DAB1: variants seen among roughly 807,000 people sequenced by gnomAD.
The protein encoded by DAB1 is disabled homolog 1.
A neutral mutation model predicts 64.6 loss-of-function variants in DAB1; 15 were observed. The observed-to-expected ratio is 0.23, with a 90% CI of 0.16 to 0.36. The LOEUF is 0.36. Ranked by LOEUF, DAB1 falls within the 10% of genes least tolerant of loss-of-function variation. The pLI is 1.00. For missense variants in DAB1, 596 were observed against 706.7 expected (o/e 0.84, Z 1.78); for synonymous variants, 235 against 251.9 (o/e 0.93, Z 0.64).
chr1:58,225,818 G>A (rs1251914870), intron 4 of DAB1, among the ~76,000 whole-genome samples: 1 of 112,216 alleles, frequency 8.9e-6, no homozygotes, highest in African/African-American at 3.3e-5. Context: ...TGTGGGGTGG[G>A]GGGAGGGGGG....
chr1:57,174,359 C>T (rs1004179199), intron 2 of DAB1, among the ~76,000 whole-genome samples: 1 of 152,140 alleles, frequency 6.6e-6, no homozygotes, highest in Non-Finnish European at 1.5e-5. Flanking sequence ...AATTTAAATG[C>T]ATTTTCAGAA....
chr1:58,469,607 T>C (rs1645334656), intron 3 of DAB1, among the ~76,000 whole-genome samples: 1 of 152,230 alleles, frequency 6.6e-6, no homozygotes, highest in Non-Finnish European at 1.5e-5. Flanking sequence ...CATCACTCTT[T>C]CTAAAGCAGC....
chr1:57,241,196 T>C lies in DAB1; in HGVS notation c.67+49768A>G, dbSNP rs148867714. Among the ~76,000 whole-genome samples the C allele has an allele frequency of 1.7e-3, 259 of 152,330 alleles. 1 individual carries two copies. The highest frequency in any genetic ancestry group is 5.4e-3 in the African/African-American group (223 of 41,566). On this transcript the variant is annotated intron_variant, in intron 2 of 14. Coordinates refer to ENST00000371236, the MANE Select transcript of DAB1 (RefSeq NM_001365792.1). The stretch of plus-strand genomic sequence containing the variant: ...TATGTATTAAATTATTGAACTTAGC[T>C]TTTTTCTCTTGTCACCCATCAGTCA...
intron 2 of DAB1, among the ~76,000 whole-genome samples, chr1:57,167,105 G>C (rs776088728): frequency 3.2e-4 from 49 of 152,268 alleles, no homozygotes; most frequent in Non-Finnish European, 6.3e-4. Flanking sequence ...GGAAATTGAG[G>C]CTGGGAATAT....
At chr1:58,522,950 CA>C in intron 2 of DAB1, among the ~76,000 whole-genome samples, 1 of 152,224 alleles carries the variant, frequency 6.6e-6, no homozygotes, top group East Asian at 1.9e-4. Context: ...GAACGGGAGA[CA>C]GGAAAGGCAG....
At position 57,015,097 on chromosome 1, in the gene DAB1, C is replaced by T. The variant is rs766791551; in HGVS notation, c.1230G>A (p.Met410Ile). The change falls in exon 12 of 15, where the codon ATG becomes ATA. Residue 410 changes from methionine to isoleucine, a missense_variant. Around this residue, in one of 3 missense-constraint regions of DAB1, gnomAD observed 377 missense variants for 400.4 expected, o/e 0.94. Transcript: ENST00000371236. ...SPQTDKPRQKMGKETFKDFQM... is the reference protein window; with the variant it reads ...SPQTDKPRQKIGKETFKDFQM... ...GGAAATCCTTAAACGTTTCTTTGCC[C>T]ATTTTCTGCCTGGGCTTGTCGGTCT... 5 of 1,614,164 alleles carry T rather than the reference C, an allele frequency of 3.1e-6. No individual in the cohort carries two copies. The highest frequency in any genetic ancestry group is 4.2e-6 in the Non-Finnish European group (5 of 1,180,038).
intron 5 of DAB1, among the ~76,000 whole-genome samples, chr1:58,098,846 C>A (rs906239419): frequency 2.6e-5 from 4 of 152,136 alleles, no homozygotes; most frequent in African/African-American, 9.7e-5. Flanking sequence ...AGACTTCTAG[C>A]CCTCAAAACT....
intron 6 of DAB1, among the ~76,000 whole-genome samples, chr1:57,805,018 T>G (rs1030495612): frequency 6.6e-6 from 1 of 152,192 alleles, no homozygotes; most frequent in Non-Finnish European, 1.5e-5. Context: ...CATTAAAAGG[T>G]AAACTGTCAA....
intron 5 of DAB1, among the ~76,000 whole-genome samples, chr1:57,919,196 G>C (rs1373242741): frequency 6.6e-6 from 1 of 152,194 alleles, no homozygotes; most frequent in Non-Finnish European, 1.5e-5. Flanking sequence ...GGAGGGTTGG[G>C]AGGGTTAAGG....
intron 4 of DAB1, among the ~76,000 whole-genome samples, chr1:58,211,067 G>C (rs2100291989): frequency 6.6e-6 from 1 of 152,250 alleles, no homozygotes; most frequent in Middle Eastern, 3.4e-3. Context: ...ACCTGGAACA[G>C]AGAGATCAAG....
At chr1:57,822,101 C>T (rs1652147935), downstream of DAB1, among the ~76,000 whole-genome samples, 1 of 152,154 alleles carries the variant, frequency 6.6e-6, no homozygotes, top group Admixed American at 6.5e-5. Flanking sequence ...CGTATCTGAC[C>T]ATTTTTGTAG....
In DAB1 at chr1:58,085,958, C is replaced by CTCTTTT. The variant is rs1289919186; in HGVS notation, n.387+64552_387+64553insAAAAGA. On this transcript the variant is annotated intron_variant and non_coding_transcript_variant, in intron 5 of 20. Coordinates refer to the DAB1 transcript ENST00000485760. ...GGATGCTGTGGGCTGATCTCTCTCT[C>CTCTTTT]TTTTTTTTTTTTTTTTTTTTTTTGA... is the stretch of plus-strand genomic sequence containing the variant. Among the ~76,000 whole-genome samples, 39 of 98,706 alleles carry CTCTTTT rather than the reference C, an allele frequency of 4.0e-4. No homozygotes were observed. In the East Asian group the frequency reaches 5.6e-3, roughly 14 times the overall value. 64.8% of individuals were successfully genotyped at this position (98,706 alleles called of 152,430 possible).
At chr1:58,249,855 T>G (rs1378468671) in intron 4 of DAB1, among the ~76,000 whole-genome samples, 1 of 152,158 alleles carries the variant, frequency 6.6e-6, no homozygotes, top group Non-Finnish European at 1.5e-5. Flanking sequence ...GGCGGCTCTG[T>G]GCGGCGGCCC....
At chr1:57,825,014 T>C (rs1652283435), downstream of DAB1, among the ~76,000 whole-genome samples, 1 of 152,226 alleles carries the variant, frequency 6.6e-6, no homozygotes, top group African/African-American at 2.4e-5. Flanking sequence ...TGAGTTTTAG[T>C]GCCCATGTAG....
intron 5 of DAB1, among the ~76,000 whole-genome samples, chr1:57,896,465 T>C (rs1244820166): frequency 6.6e-6 from 1 of 151,806 alleles, no homozygotes; most frequent in Admixed American, 6.6e-5. Flanking sequence ...TTTATATAAA[T>C]ATTTTATAGG....
chr1:57,422,179 G>C (rs936341716), intron 1 of DAB1, among the ~76,000 whole-genome samples: 4 of 152,276 alleles, frequency 2.6e-5, no homozygotes, highest in African/African-American at 9.6e-5. Context: ...ACTTGAAAAC[G>C]TTAAGTGTTG....
intron 4 of DAB1, among the ~76,000 whole-genome samples, chr1:58,306,994 A>G (rs1391999762): frequency 1.3e-5 from 2 of 152,220 alleles, no homozygotes; most frequent in African/African-American, 2.4e-5. Flanking sequence ...CTGAGTTTCA[A>G]AGAACTCCAA....
At chr1:57,240,970 A>G (rs1668453505) in intron 2 of DAB1, among the ~76,000 whole-genome samples, 1 of 152,138 alleles carries the variant, frequency 6.6e-6, no homozygotes. Context: ...AGCTATGCAT[A>G]TCTGCTCATA....
At chr1:58,232,535 G>A (rs570295861) in intron 4 of DAB1, among the ~76,000 whole-genome samples, 3 of 148,292 alleles carry the variant, frequency 2.0e-5, no homozygotes, top group East Asian at 4.1e-4. Context: ...TTTGACAAAC[G>A]AATTCTGTGC....
Sources: allele counts gnomAD v4.1 joint callset (sites outside exome capture counted in the v4.1 genomes callset), GRCh38; gene constraint gnomAD v4.1.1; regional missense constraint gnomAD v4.1.1; transcripts MANE v1.5; gene names NCBI Gene and HGNC (gene_info 2026-07-23, HGNC 2026-07-21).